TMEM132C: variants seen among roughly 807,000 people sequenced by gnomAD.
The protein encoded by TMEM132C is transmembrane protein 132C, also known as protein phosphatase 1, regulatory subunit 152.
A neutral mutation model predicts 61.4 loss-of-function variants in TMEM132C; 29 were observed. The ratio of observed to expected loss-of-function variants is 0.47; its 90% CI spans 0.35 to 0.64. The LOEUF is 0.64. TMEM132C is among the 30% of genes least tolerant of loss of function. The pLI, the probability that TMEM132C is intolerant of heterozygous loss-of-function variation, is 0.00. For synonymous variants in TMEM132C, 656 were observed against 633.1 expected (o/e 1.04, Z -0.54); for missense variants, 1,408 against 1,476.9 (o/e 0.95, Z 0.76).
chr12:128,351,795 G>A (rs557659791), intron 1 of TMEM132C, among the ~76,000 whole-genome samples: 19 of 152,282 alleles, frequency 1.2e-4, no homozygotes, highest in Admixed American at 4.6e-4. Context: ...CTCCTAGCAG[G>A]CCCCACCTCC....
intron 3 of TMEM132C, among the ~76,000 whole-genome samples, chr12:128,585,356 C>G (rs567237899): frequency 1.3e-5 from 2 of 151,810 alleles, no homozygotes; most frequent in South Asian, 2.1e-4. Flanking sequence ...AAGGCTATGA[C>G]CCAGCCATTC....
intron 2 of TMEM132C, among the ~76,000 whole-genome samples, chr12:128,419,924 A>G (rs911671605): frequency 1.3e-5 from 2 of 152,042 alleles, no homozygotes; most frequent in South Asian, 2.1e-4. Context: ...TGGGTATGGT[A>G]GCTCACACCT....
At chr12:128,529,740 C>T (rs927638709) in intron 2 of TMEM132C, among the ~76,000 whole-genome samples, 18 of 152,044 alleles carry the variant, frequency 1.2e-4, no homozygotes, top group Admixed American at 7.9e-4. Flanking sequence ...GAGCCGAGAT[C>T]GTGCCACTGC....
chr12:128,532,640 C>CAAAAAAAAAAAAAAAA (rs61283555), intron 2 of TMEM132C, among the ~76,000 whole-genome samples: 3 of 67,172 alleles, frequency 4.5e-5, no homozygotes, highest in African/African-American at 2.2e-4. Context: ...GACTCCATCT[C>CAAAAAAAAAAAAAAAA]AAAAAAAAAA....
At chr12:128,613,002 TG>T (rs1876684819) in intron 3 of TMEM132C, among the ~76,000 whole-genome samples, 1 of 152,064 alleles carries the variant, frequency 6.6e-6, no homozygotes. Context: ...CTCGGAGAGA[TG>T]ATGTGAGTGG....
rs372551458 is a variant in TMEM132C, at chr12:128,697,291, C to T, written c.1997C>T (p.Ser666Leu). Residue 666 changes from serine to leucine, a missense_variant, in exon 8 of 9, where the codon TCG (serine) becomes TTG (leucine). Physicochemically the swap from Ser to Leu is moderately radical, Grantham distance 145 (BLOSUM62 -2). Coordinates refer to ENST00000435159, the MANE Select transcript of TMEM132C (RefSeq NM_001136103.3). ...KTITVLDDKVSVTDLAIQLVA... is the reference protein window; with the variant it reads ...KTITVLDDKVLVTDLAIQLVA... ...ATAACCGTGCTAGATGACAAAGTAT[C>T]GGTGACAGACTTGGCCATCCAGCTC... is the stretch of plus-strand genomic sequence containing the variant. The T allele has an allele frequency of 5.2e-6, 8 of 1,550,070 alleles. No homozygotes were observed. Among genetic ancestry groups the T allele is most frequent in the East Asian group, 2.4e-5 (1 of 40,868 alleles).
chr12:128,436,176 G>A (rs1869581795), intron 2 of TMEM132C, among the ~76,000 whole-genome samples: 1 of 152,066 alleles, frequency 6.6e-6, no homozygotes, highest in African/African-American at 2.4e-5. Flanking sequence ...TTAAATGTTA[G>A]ACCTAAAACC....
At chr12:128,643,954 C>A (rs1954177105) in intron 4 of TMEM132C, among the ~76,000 whole-genome samples, 1 of 152,004 alleles carries the variant, frequency 6.6e-6, no homozygotes, top group Admixed American at 6.5e-5. Flanking sequence ...GAGCCCAAAC[C>A]TACAATAGAA....
At chr12:128,311,814 G>A (rs1871977843) in intron 1 of TMEM132C, among the ~76,000 whole-genome samples, 1 of 152,226 alleles carries the variant, frequency 6.6e-6, no homozygotes, top group African/African-American at 2.4e-5. Flanking sequence ...CACGTCCACT[G>A]TCCACATCAT....
At chr12:128,482,868 G>A (rs796418465) in intron 2 of TMEM132C, among the ~76,000 whole-genome samples, 11 of 152,206 alleles carry the variant, frequency 7.2e-5, no homozygotes, top group African/African-American at 2.4e-4. Context: ...CACAGAGCAA[G>A]AGTCCAGCAC....
At chr12:128,575,700 T>G (rs1047205520) in intron 3 of TMEM132C, among the ~76,000 whole-genome samples, 6 of 152,226 alleles carry the variant, frequency 3.9e-5, no homozygotes, top group African/African-American at 1.4e-4. Flanking sequence ...TTTGTATGTC[T>G]ATTGACAAGA....
intron 1 of TMEM132C, among the ~76,000 whole-genome samples, chr12:128,309,848 G>A (rs1442451307): frequency 3.3e-5 from 5 of 151,598 alleles, no homozygotes; most frequent in African/African-American, 1.2e-4. Flanking sequence ...CGATTCCCCT[G>A]CCTCAGCCTC....
At chr12:128,399,567 A>G (rs371564356) in intron 1 of TMEM132C, among the ~76,000 whole-genome samples, 2 of 152,158 alleles carry the variant, frequency 1.3e-5, no homozygotes, top group Non-Finnish European at 2.9e-5. Context: ...TTGGAGGCAC[A>G]GTAAAAACCA....
At chr12:128,614,675 G>C (rs1016806680) in intron 3 of TMEM132C, among the ~76,000 whole-genome samples, 2 of 152,214 alleles carry the variant, frequency 1.3e-5, no homozygotes, top group East Asian at 1.9e-4. Flanking sequence ...ACCAACGGTA[G>C]TTCCCAAAAT....
At chr12:128,469,626 TTG>T (rs375592340) in intron 2 of TMEM132C, among the ~76,000 whole-genome samples, 2,068 of 147,664 alleles carry the variant, frequency 0.014, 51 homozygotes, top group African/African-American at 0.051. Context: ...CTTGTATGCT[TTG>T]TGTGTGTGTG....
chr12:128,637,949 TG>T (rs1565998747), intron 4 of TMEM132C, among the ~76,000 whole-genome samples: 2 of 152,180 alleles, frequency 1.3e-5, no homozygotes, highest in Non-Finnish European at 2.9e-5. Flanking sequence ...AGCCATAATT[TG>T]GGGGCTGATT....
At chr12:128,543,924 GTC>G (rs375537600) in intron 2 of TMEM132C, 31 bp from the exon 3 acceptor site, 294 of 1,524,388 alleles carry the variant, frequency 1.9e-4, no homozygotes, top group Admixed American at 1.1e-3. Context: ...CCTTAACCCT[GTC>G]TCTCTCTCTC....
intron 8 of TMEM132C, among the ~76,000 whole-genome samples, chr12:128,703,850 C>A (rs989124547): frequency 1.7e-4 from 26 of 152,216 alleles, no homozygotes; most frequent in Admixed American, 1.1e-3. Flanking sequence ...TGACCCACAG[C>A]GAGTGCCCAG....
At chr12:128,481,202 G>T (rs767408125) in intron 2 of TMEM132C, among the ~76,000 whole-genome samples, 2 of 152,210 alleles carry the variant, frequency 1.3e-5, no homozygotes, top group Non-Finnish European at 2.9e-5. Context: ...GCAGCGGCAG[G>T]TGACACCTTG....
Sources: gnomAD v4.1 joint callset for allele counts (sites outside exome capture counted in the v4.1 genomes callset) on GRCh38, gnomAD v4.1.1 for gene constraint, MANE v1.5 for transcripts, NCBI Gene and HGNC (gene_info 2026-07-23, HGNC 2026-07-21) for gene names.